The following PRUNE2 variants were observed in gnomAD, a reference collection of about 807,000 sequenced individuals.
PRUNE2 encodes prune homolog 2 with BCH domain.
A neutral mutation model predicts 252.0 loss-of-function variants in PRUNE2; 164 were observed. That is an observed-to-expected ratio of 0.65 (90% CI 0.57 to 0.74). The LOEUF (loss-of-function observed/expected upper bound fraction) is 0.74. Ranked by LOEUF, PRUNE2 falls within the 30% of genes least tolerant of loss-of-function variation. PRUNE2 has a pLI of 0.00. For missense variants in PRUNE2, 3,495 were observed against 3,711.0 expected (o/e 0.94, Z 1.51); for synonymous variants, 1,292 against 1,350.2 (o/e 0.96, Z 0.94).
At chr9:76,871,468 A>C (rs146638415) in intron 1 of PRUNE2, among the ~76,000 whole-genome samples, 113 of 152,340 alleles carry the variant, frequency 7.4e-4, no homozygotes, top group African/African-American at 2.5e-3. Flanking sequence ...GGAAACCAAG[A>C]GATAACTGAA....
chr9:76,723,874 C>T lies in PRUNE2; in HGVS notation c.757-10153G>A, dbSNP rs183636828. Among the ~76,000 whole-genome samples the T allele has an allele frequency of 1.3e-4, 19 of 147,538 alleles. No homozygotes were observed. In the East Asian group the frequency reaches 3.7e-3, roughly 29 times the overall value. On this transcript the variant is annotated intron_variant, in intron 6 of 18. Transcript: ENST00000376718. ...CCAGGCTGGGGTGCAGTGGTGCGAT[C>T]TCGGCTCACTGCAAGCTCCGCCTTC... is the stretch of plus-strand genomic sequence containing the variant.
intron 6 of PRUNE2, among the ~76,000 whole-genome samples, chr9:76,719,710 T>A (rs2047463469): frequency 6.6e-6 from 1 of 152,020 alleles, no homozygotes; most frequent in East Asian, 1.9e-4. Context: ...TGCAATGGTA[T>A]GATCATGAGT....
At position 76,708,965 on chromosome 9, in the gene PRUNE2, G is replaced by A. The variant is rs772144717; in HGVS notation, c.3309C>T (p.Asn1103=). Residue 1103 remains asparagine, a synonymous_variant, in exon 8 of 19, where the codon AAC becomes AAT. Coordinates refer to ENST00000376718, the MANE Select transcript of PRUNE2 (RefSeq NM_015225.3). ...RQLTLLHSST[N]SRQTAPDSLD... ...GACTGTCAGGGGCCGTCTGCCGGGA[G>A]TTGGTGCTGCTGTGCAAAAGTGTGA... 6.2e-7 allele frequency: 1 copy of A among 1,614,014 alleles called. No individual in the cohort carries two copies. Among genetic ancestry groups the A allele is most frequent in the Admixed American group, 1.7e-5 (1 of 60,026 alleles).
At chr9:76,892,005 T>C (rs999714568) in intron 1 of PRUNE2, among the ~76,000 whole-genome samples, 1 of 152,106 alleles carries the variant, frequency 6.6e-6, no homozygotes, top group African/African-American at 2.4e-5. Flanking sequence ...TACTGTTCCA[T>C]AAGGCTCAAT....
Position 76,806,235 on chromosome 9 carries a change from C to T in PRUNE2, c.756+17397G>A, listed in dbSNP as rs554529146. On this transcript the variant is annotated intron_variant, in intron 6 of 18. Transcript: ENST00000376718. ...TGGGGCCTGGGAAATTTGTGTTCTA[C>T]CAAGCCCTCCAGATGACTCCTATGC... Among the ~76,000 whole-genome samples, 33 of 152,260 alleles carry T rather than the reference C, an allele frequency of 2.2e-4. No individual in the cohort carries two copies. The South Asian group carries it at 5.2e-3, about 24-fold the overall frequency.
Position 76,838,050 on chromosome 9 carries a change from T to C in PRUNE2, c.508+8465A>G, listed in dbSNP as rs147436672. On this transcript the variant is annotated intron_variant, in intron 4 of 18. Transcript: ENST00000376718. ...CCTCCCAAAATGCTGGGATTACAGG[T>C]GTGAGCCACTGTGCCCAGCCACCAA... Among the ~76,000 whole-genome samples, 1,340 of 152,134 alleles carry C rather than the reference T, an allele frequency of 8.8e-3. 27 individuals carry two copies. The highest frequency in any genetic ancestry group is 0.031 in the African/African-American group (1,267 of 41,500).
chr9:76,810,363 A>G (rs1296290968), intron 6 of PRUNE2, among the ~76,000 whole-genome samples: 1 of 152,266 alleles, frequency 6.6e-6, no homozygotes, highest in East Asian at 1.9e-4. Context: ...TAGACATTCA[A>G]TGAGTGTTGG....
intron 9 of PRUNE2, chr9:76,692,428 C>A: frequency 4.9e-6 from 2 of 405,456 alleles, no homozygotes; most frequent in South Asian, 3.8e-5. Flanking sequence ...GCTCAAAGCA[C>A]AAGTTGTAAG....
chr9:76,792,590 T>C (rs1315391076), intron 6 of PRUNE2, among the ~76,000 whole-genome samples: 1 of 152,222 alleles, frequency 6.6e-6, no homozygotes, highest in Non-Finnish European at 1.5e-5. Flanking sequence ...ATCTGCATTA[T>C]TCAAAAAATA....
At chr9:76,880,729 T>C (rs1184095158) in intron 1 of PRUNE2, among the ~76,000 whole-genome samples, 2 of 152,226 alleles carry the variant, frequency 1.3e-5, no homozygotes, top group African/African-American at 2.4e-5. Context: ...GTAAAAGCAA[T>C]TGTGCGATTA....
intron 6 of PRUNE2, chr9:76,788,417 T>C (rs766989677): frequency 5.3e-6 from 4 of 761,720 alleles, no homozygotes; most frequent in East Asian, 2.4e-5. Context: ...TGTAAACTTC[T>C]TAAGGTGCAC....
At chr9:76,741,619 T>G (rs2049627963) in intron 6 of PRUNE2, among the ~76,000 whole-genome samples, 1 of 152,118 alleles carries the variant, frequency 6.6e-6, no homozygotes, top group Non-Finnish European at 1.5e-5. Flanking sequence ...CTCACATACC[T>G]CACAAACTTC....
chr9:76,825,459 T>C (rs971897119), intron 5 of PRUNE2, among the ~76,000 whole-genome samples: 1 of 152,210 alleles, frequency 6.6e-6, no homozygotes, highest in Admixed American at 6.5e-5. Context: ...CATTCCCCTA[T>C]CAGTGTTGAC....
intron 6 of PRUNE2, among the ~76,000 whole-genome samples, chr9:76,821,079 G>A (rs1347229468): frequency 6.6e-6 from 1 of 152,020 alleles, no homozygotes; most frequent in African/African-American, 2.4e-5. Flanking sequence ...CAAAAGCAAC[G>A]GAAGATCTAA....
At chr9:76,763,013 C>T (rs2051903423) in intron 6 of PRUNE2, among the ~76,000 whole-genome samples, 1 of 152,210 alleles carries the variant, frequency 6.6e-6, no homozygotes, top group Non-Finnish European at 1.5e-5. Flanking sequence ...GAGACACATC[C>T]TCTACCGCAA....
intron 6 of PRUNE2, among the ~76,000 whole-genome samples, chr9:76,755,061 A>G (rs2051010161): frequency 6.6e-6 from 1 of 152,012 alleles, no homozygotes; most frequent in Non-Finnish European, 1.5e-5. Flanking sequence ...ATCATTACTA[A>G]TTTATCTTTT....
chr9:76,662,156 G>A (rs536832600), intron 9 of PRUNE2, among the ~76,000 whole-genome samples: 3 of 152,178 alleles, frequency 2.0e-5, no homozygotes, highest in Admixed American at 1.3e-4. Context: ...AACTGAATTA[G>A]CTAAGCATTC....
intron 4 of PRUNE2, among the ~76,000 whole-genome samples, chr9:76,831,172 G>A (rs896760635): frequency 3.3e-5 from 5 of 151,998 alleles, no homozygotes; most frequent in South Asian, 2.1e-4. Context: ...CTTGTGATCC[G>A]CCCACCTCGG....
At chr9:76,896,469 C>A (rs1416968593) in intron 1 of PRUNE2, among the ~76,000 whole-genome samples, 1 of 152,188 alleles carries the variant, frequency 6.6e-6, no homozygotes, top group East Asian at 1.9e-4. Context: ...AGGGAAGTGA[C>A]CGTGGACATA....
Sources: gnomAD v4.1 joint callset for allele counts (sites outside exome capture counted in the v4.1 genomes callset) on GRCh38, gnomAD v4.1.1 for gene constraint, MANE v1.5 for transcripts, NCBI Gene and HGNC (gene_info 2026-07-23, HGNC 2026-07-21) for gene names.